The following REV3L variants were observed in gnomAD, a reference collection of about 807,000 sequenced individuals.
REV3L encodes DNA polymerase zeta catalytic subunit.
Under a neutral mutation model 299.4 loss-of-function variants are expected in REV3L, and 69 were observed. That is an observed-to-expected ratio of 0.23 (90% CI 0.19 to 0.28). REV3L has a LOEUF of 0.28. Among genes scored for constraint, REV3L ranks in the 10% least tolerant of loss-of-function variants. The pLI is 1.00. For synonymous variants in REV3L, 1,238 were observed against 1,271.4 expected (o/e 0.97, Z 0.56); for missense variants, 3,128 against 3,693.8 (o/e 0.85, Z 3.97).
At chr6:111,323,842 C>T (rs547415231) in intron 25 of REV3L, among the ~76,000 whole-genome samples, 2 of 152,178 alleles carry the variant, frequency 1.3e-5, no homozygotes, top group African/African-American at 2.4e-5. Flanking sequence ...ATCCTTCTCC[C>T]TTTACTGTAA....
rs1780270628 is a variant in REV3L at position 111,376,046 on chromosome 6, T to C, written c.2309A>G (p.Asn770Ser). The part of the protein sequence containing the change: ...LNSTADESGL[N>S]KLKIRYEEFQ... ...TTCTTCATACCTAATTTTAAGTTTA[T>C]TTAGTCCACTTTCATCAGCAGTGCT... The change falls in exon 13 of 32, where the codon AAT becomes AGT. Residue 770 changes from asparagine (N) to serine (S), a missense_variant. Physicochemically the swap from Asn to Ser is conservative, Grantham distance 46. This residue lies in a region of REV3L where 2,409 missense variants were observed against 2,611.8 expected (regional missense o/e 0.92). Transcript: ENST00000368802. 6.2e-7 allele frequency: 1 copy of C among 1,614,032 alleles called. No homozygotes were observed. Among genetic ancestry groups the C allele is most frequent in the Non-Finnish European group, 8.5e-7 (1 of 1,179,926 alleles).
At chr6:111,471,472 G>A (rs1157912336) in intron 1 of REV3L, among the ~76,000 whole-genome samples, 5 of 152,102 alleles carry the variant, frequency 3.3e-5, no homozygotes, top group Admixed American at 3.3e-4. Flanking sequence ...AAAATTCCAT[G>A]TTTCATTTCA....
intron 31 of REV3L, among the ~76,000 whole-genome samples, chr6:111,306,080 A>G (rs971533056): frequency 1.3e-5 from 2 of 152,244 alleles, no homozygotes; most frequent in South Asian, 2.1e-4. Flanking sequence ...CTGACTTGAC[A>G]GTCAAAGAAC....
At chr6:111,476,258 C>T (rs985609166) in intron 1 of REV3L, among the ~76,000 whole-genome samples, 3 of 152,140 alleles carry the variant, frequency 2.0e-5, no homozygotes, top group Admixed American at 6.6e-5. Context: ...TGGGCTCAAG[C>T]GATCCTCCTG....
chr6:111,432,851 C>T (rs1787102399), intron 1 of REV3L, among the ~76,000 whole-genome samples: 1 of 152,140 alleles, frequency 6.6e-6, no homozygotes, highest in Non-Finnish European at 1.5e-5. Flanking sequence ...CAAGTATCTT[C>T]TCTGGCCACA....
Position 111,416,491 on chromosome 6 carries a change from T to C in REV3L, c.140-19A>G, listed in dbSNP as rs752179936. ...TTCTGACCTAAAATGTAACACATTA[T>C]AAAGTTTAGTTTCCAGACACAGTTT... On this transcript the variant is annotated intron_variant, in intron 1 of 31. Coordinates refer to ENST00000368802, the MANE Select transcript of REV3L (RefSeq NM_001372078.1). The C allele has an allele frequency of 2.6e-5, 41 of 1,587,020 alleles. No homozygotes were observed. The highest frequency in any genetic ancestry group is 3.4e-5 in the Non-Finnish European group (39 of 1,160,342).
chr6:111,430,542 C>A, intron 1 of REV3L: 1 of 1,572,096 alleles, frequency 6.4e-7, no homozygotes, highest in Non-Finnish European at 8.7e-7. Flanking sequence ...AATTCAGAGC[C>A]TGAAGCAGAG....
intron 26 of REV3L, 82 bp from the exon 27 acceptor site, chr6:111,315,463 A>G (rs1401347687): frequency 1.0e-6 from 1 of 1,000,656 alleles, no homozygotes; most frequent in African/African-American, 1.6e-5. Flanking sequence ...CCTGGCTATG[A>G]CTCTTGTCTA....
chr6:111,464,429 C>G (rs1791170999), intron 1 of REV3L, among the ~76,000 whole-genome samples: 1 of 152,126 alleles, frequency 6.6e-6, no homozygotes, highest in East Asian at 1.9e-4. Context: ...CCTAAACAAA[C>G]ATTCAGCAGC....
chr6:111,476,285 A>T (rs562400635), intron 1 of REV3L, among the ~76,000 whole-genome samples: 2 of 152,226 alleles, frequency 1.3e-5, no homozygotes, highest in African/African-American at 4.8e-5. Flanking sequence ...CCTCCCAAGT[A>T]GCTGGAACCA....
At chr6:111,475,214 A>T (rs1197073363) in intron 1 of REV3L, among the ~76,000 whole-genome samples, 2 of 152,264 alleles carry the variant, frequency 1.3e-5, no homozygotes, top group African/African-American at 2.4e-5. Context: ...TTAAAGGCTG[A>T]CTAGTATTCT....
At chr6:111,328,751 A>G (rs1289701926) in intron 25 of REV3L, among the ~76,000 whole-genome samples, 1 of 152,172 alleles carries the variant, frequency 6.6e-6, no homozygotes, top group Non-Finnish European at 1.5e-5. Flanking sequence ...ATGAACAGGC[A>G]TTCATTTAAT....
Position 111,372,895 on chromosome 6 carries a change from T to G in REV3L, c.5460A>C (p.Ala1820=), listed in dbSNP as rs764607011. ...SLDSANTSFT[A]ILSSPDGELV... ...GTTCACCATCAGGGGAGGAGAGTAT[T>G]GCAGTAAAAGAGGTATTGGCTGAGT... The change falls in exon 13 of 32, where the codon GCA becomes GCC. Residue 1820 remains alanine, a synonymous_variant. Coordinates refer to ENST00000368802, the MANE Select transcript of REV3L (RefSeq NM_001372078.1). 7 of 1,613,998 alleles carry G rather than the reference T, an allele frequency of 4.3e-6. No individual in the cohort carries two copies. The highest frequency in any genetic ancestry group is 3.4e-6 in the Non-Finnish European group (4 of 1,180,010).
intron 31 of REV3L, 50 bp downstream of exon 31, chr6:111,307,311 C>G: frequency 6.7e-7 from 1 of 1,488,210 alleles, no homozygotes; most frequent in African/African-American, 1.4e-5. Flanking sequence ...CTATATCTTC[C>G]TGTAAGATCA....
In REV3L at chr6:111,331,888, A is replaced by G; in HGVS notation, c.7926-104T>C. 3 of 730,956 alleles carry G rather than the reference A, an allele frequency of 4.1e-6. No individual in the cohort carries two copies. The South Asian group carries it at 5.1e-5, about 12-fold the overall frequency. 45.3% of individuals were successfully genotyped at this position (730,956 alleles called of 1,614,324 possible). On this transcript the variant is annotated intron_variant, in intron 23 of 31. Transcript: ENST00000368802. ...TAACTCCATTAGAAATTCATTTTCA[A>G]ACATCTAAACAAGAATTCATGTACT... is the stretch of plus-strand genomic sequence containing the variant.
intron 13 of REV3L, 40 bp from the exon 14 acceptor site, chr6:111,368,068 G>T: frequency 6.7e-7 from 1 of 1,497,934 alleles, no homozygotes; most frequent in South Asian, 1.4e-5. Context: ...TTGTTTCAAA[G>T]AGCAATTACC....
At chr6:111,455,992 A>C (rs961561201) in intron 1 of REV3L, among the ~76,000 whole-genome samples, 3 of 152,214 alleles carry the variant, frequency 2.0e-5, no homozygotes, top group Non-Finnish European at 4.4e-5. Flanking sequence ...ACTGCAGATC[A>C]AGTAGGGGAA....
intron 22 of REV3L, among the ~76,000 whole-genome samples, chr6:111,334,638 A>T (rs1371319055): frequency 6.6e-6 from 1 of 152,192 alleles, no homozygotes; most frequent in Non-Finnish European, 1.5e-5. Context: ...GCCTGGGTTC[A>T]CTGAAGTATT....
intron 1 of REV3L, among the ~76,000 whole-genome samples, chr6:111,455,440 A>G (rs1424099876): frequency 6.6e-6 from 1 of 152,208 alleles, no homozygotes; most frequent in East Asian, 1.9e-4. Flanking sequence ...GGAGAAGCAG[A>G]AGATGATGCT....
Sources: allele counts gnomAD v4.1 joint callset (sites outside exome capture counted in the v4.1 genomes callset), GRCh38; gene constraint gnomAD v4.1.1; regional missense constraint gnomAD v4.1.1; transcripts MANE v1.5; gene names NCBI Gene and HGNC (gene_info 2026-07-23, HGNC 2026-07-21).